Variants in RBFOX2 observed in about 807,000 individuals in gnomAD.
RBFOX2 encodes RNA binding fox-1 homolog 2, also known as RNA binding protein fox-1 homolog 2.
In RBFOX2, 10 loss-of-function variants were observed where a neutral mutation model predicts 49.1. The ratio of observed to expected loss-of-function variants is 0.20; its 90% confidence interval spans 0.13 to 0.35. The LOEUF (loss-of-function observed/expected upper bound fraction) is 0.35, where lower values mean the gene tolerates loss of function less well. Ranked by LOEUF, RBFOX2 falls within the 10% of genes least tolerant of loss-of-function variation. The pLI is 1.00. For missense variants in RBFOX2, 323 were observed against 486.9 expected (o/e 0.66, Z 3.17); for synonymous variants, 183 against 187.4 (o/e 0.98, Z 0.19).
chr22:36,002,084 AAAC>A (rs904790772), intron 1 of RBFOX2, among the ~76,000 whole-genome samples: 23 of 152,198 alleles, frequency 1.5e-4, no homozygotes, highest in South Asian at 8.3e-4. Flanking sequence ...AGAAAAAAGA[AAAC>A]AACAACAACA....
intron 1 of RBFOX2, among the ~76,000 whole-genome samples, chr22:35,899,576 AAAAG>A (rs1190346516): frequency 2.6e-5 from 4 of 152,000 alleles, no homozygotes; most frequent in Admixed American, 6.5e-5. Flanking sequence ...CAAAAAAAAA[AAAAG>A]AAAGAAAGAA....
At chr22:35,865,001 T>A (rs1297905647) in intron 1 of RBFOX2, among the ~76,000 whole-genome samples, 1 of 152,256 alleles carries the variant, frequency 6.6e-6, no homozygotes, top group East Asian at 1.9e-4. Context: ...AGAACTGATG[T>A]CATCCTTGCA....
At chr22:35,933,721 C>T (rs2052684698) in intron 1 of RBFOX2, among the ~76,000 whole-genome samples, 1 of 151,900 alleles carries the variant, frequency 6.6e-6, no homozygotes, top group Non-Finnish European at 1.5e-5. Context: ...GTTAAATTAA[C>T]TAATGTTCTC....
chr22:35,899,334 C>T (rs1174349508), intron 1 of RBFOX2, among the ~76,000 whole-genome samples: 1 of 151,948 alleles, frequency 6.6e-6, no homozygotes, highest in African/African-American at 2.4e-5. Flanking sequence ...GGTGGAACCA[C>T]CATAAACTTC....
At chr22:35,833,072 G>A (rs1463918233) in intron 1 of RBFOX2, among the ~76,000 whole-genome samples, 2 of 152,054 alleles carry the variant, frequency 1.3e-5, no homozygotes, top group South Asian at 2.1e-4. Flanking sequence ...GTATAATTAT[G>A]CATCAATAAA....
intron 11 of RBFOX2, among the ~76,000 whole-genome samples, chr22:35,744,730 C>G (rs554193089): frequency 2.6e-5 from 4 of 152,346 alleles, no homozygotes; most frequent in African/African-American, 9.6e-5. Flanking sequence ...GGTGCCACAT[C>G]TAAACCTGAG....
chr22:35,754,095 T>C (rs986620566), intron 9 of RBFOX2, among the ~76,000 whole-genome samples: 5 of 146,694 alleles, frequency 3.4e-5, no homozygotes, highest in Non-Finnish European at 6.0e-5. Context: ...AGTAGGCAAG[T>C]CTTTTTTTTT....
intron 1 of RBFOX2, among the ~76,000 whole-genome samples, chr22:35,887,574 C>T (rs554471040): frequency 6.6e-6 from 1 of 152,230 alleles, no homozygotes; most frequent in South Asian, 2.1e-4. Context: ...TCCCCATTAC[C>T]ATATAGTGTT....
At chr22:35,938,973 G>A (rs891219142), upstream of RBFOX2, 4 of 1,364,776 alleles carry the variant, frequency 2.9e-6, no homozygotes, top group African/African-American at 5.7e-5. Flanking sequence ...CATCCAAACT[G>A]ATCAAATATA....
At chr22:35,939,192 A>G (rs2053441279), upstream of RBFOX2, 1 of 568,262 alleles carries the variant, frequency 1.8e-6, no homozygotes, top group Admixed American at 2.2e-5. Flanking sequence ...GACTGGGGTC[A>G]GAGTTAATTC....
At chr22:35,921,798 A>C (rs188010413) in intron 1 of RBFOX2, among the ~76,000 whole-genome samples, 2 of 152,356 alleles carry the variant, frequency 1.3e-5, no homozygotes, top group Non-Finnish European at 2.9e-5. Context: ...GATGGACAAG[A>C]GAATCCACTG....
chr22:35,950,977 AG>A (rs1363807952), intron 1 of RBFOX2, among the ~76,000 whole-genome samples: 1 of 136,718 alleles, frequency 7.3e-6, no homozygotes, highest in African/African-American at 2.8e-5. Flanking sequence ...TTTTGGAGAT[AG>A]AGTCTCACTC....
chr22:35,775,955 A>G (rs1943825085), intron 4 of RBFOX2, among the ~76,000 whole-genome samples: 1 of 152,170 alleles, frequency 6.6e-6, no homozygotes, highest in South Asian at 2.1e-4. Flanking sequence ...TTGCTTCACA[A>G]TAATTCAAAC....
rs188232598 is a variant in RBFOX2 at position 36,002,013 on chromosome 22, G to A, written c.186+26227C>T. Among the ~76,000 whole-genome samples the A allele has an allele frequency of 3.2e-3, 490 of 151,648 alleles. 8 individuals are homozygous for A. Among genetic ancestry groups the A allele is most frequent in the Admixed American group, 0.021 (328 of 15,258 alleles). The stretch of plus-strand genomic sequence containing the variant: ...TGGGAGGCGGAGGCTGCAGTGAGCC[G>A]AGATTGTGCCACTGCACTCCAGCCT... On this transcript the variant is annotated intron_variant, in intron 1 of 13. Coordinates refer to the RBFOX2 transcript ENST00000438146.
chr22:36,009,485 C>T (rs569482671), intron 1 of RBFOX2, among the ~76,000 whole-genome samples: 5 of 152,300 alleles, frequency 3.3e-5, no homozygotes, highest in Non-Finnish European at 7.4e-5. Flanking sequence ...GAGGTCCTCC[C>T]ACCTCAGCCT....
At chr22:35,939,078 C>T, upstream of RBFOX2, 1 of 701,580 alleles carries the variant, frequency 1.4e-6, no homozygotes, top group Middle Eastern at 2.4e-4. Flanking sequence ...CTGGCAAAAA[C>T]AAAAAACAGT....
intron 1 of RBFOX2, among the ~76,000 whole-genome samples, chr22:35,827,699 C>T (rs1330615345): frequency 6.6e-6 from 1 of 152,194 alleles, no homozygotes; most frequent in African/African-American, 2.4e-5. Flanking sequence ...CTGTATCCCA[C>T]TTTGTATTAT....
chr22:36,003,444 A>G (rs2058503428), intron 1 of RBFOX2, among the ~76,000 whole-genome samples: 1 of 152,188 alleles, frequency 6.6e-6, no homozygotes, highest in Non-Finnish European at 1.5e-5. Context: ...AGCGTGGCAT[A>G]AAAAAGGGGG....
chr22:35,972,231 T>C (rs2056918107), intron 1 of RBFOX2, among the ~76,000 whole-genome samples: 1 of 152,158 alleles, frequency 6.6e-6, no homozygotes, highest in Non-Finnish European at 1.5e-5. Flanking sequence ...GTGGCCTGCT[T>C]TTTTTAAGCA....
Sources: allele counts gnomAD v4.1 joint callset (sites outside exome capture counted in the v4.1 genomes callset), GRCh38; gene constraint gnomAD v4.1.1; transcripts MANE v1.5; gene names NCBI Gene and HGNC (gene_info 2026-07-23, HGNC 2026-07-21).